THRAP3: variants seen among roughly 807,000 people sequenced by gnomAD.
THRAP3 encodes thyroid hormone receptor-associated protein 3.
A neutral mutation model predicts 101.0 loss-of-function variants in THRAP3; 16 were observed. The observed-to-expected ratio is 0.16, with a 90% CI of 0.11 to 0.24. The LOEUF (loss-of-function observed/expected upper bound fraction) is 0.24. THRAP3 is among the 10% of genes least tolerant of loss of function. The pLI is 1.00. For synonymous variants in THRAP3, 407 were observed against 422.6 expected (o/e 0.96, Z 0.45); for missense variants, 989 against 1,202.7 (o/e 0.82, Z 2.63).
At chr1:36,236,947 C>A (rs1013625879) in intron 1 of THRAP3, among the ~76,000 whole-genome samples, 1 of 152,078 alleles carries the variant, frequency 6.6e-6, no homozygotes, top group Non-Finnish European at 1.5e-5. Flanking sequence ...GAGGCCGAGG[C>A]GGGCAAATCA....
chr1:36,248,445 CTCTT>C (rs1645257954), intron 1 of THRAP3, among the ~76,000 whole-genome samples: 1 of 87,338 alleles, frequency 1.1e-5, no homozygotes, highest in African/African-American at 3.7e-5. Context: ...CAGCCTCAGC[CTCTT>C]TTTTTTTTTT....
upstream of THRAP3, among the ~76,000 whole-genome samples, chr1:36,219,828 A>G (rs951632472): frequency 9.2e-5 from 14 of 152,196 alleles, no homozygotes; most frequent in African/African-American, 3.1e-4. Context: ...GCCTGGCTTC[A>G]AGGCTTCAAA....
chr1:36,249,311 C>T lies in THRAP3; in HGVS notation c.-134-10071C>T, dbSNP rs190590107. On this transcript the variant is annotated intron_variant, in intron 1 of 11. Transcript: ENST00000354618. ...GGTTCATGCCATTCTCCTGCCTTGGCCTCCCGAGTAGCTGGGACCACAGGT... is the reference window on the plus strand; with the variant it reads ...GGTTCATGCCATTCTCCTGCCTTGGTCTCCCGAGTAGCTGGGACCACAGGT... 6.2e-3 allele frequency among the ~76,000 whole-genome samples: 944 copies of T among 151,830 alleles called. 10 individuals carry two copies. The highest frequency in any genetic ancestry group is 0.022 in the African/African-American group (895 of 41,368).
rs778135723 is a variant in THRAP3 at position 36,249,719 on chromosome 1, T to TGTGTGTGTGTGTGG, written c.-134-9662_-134-9661insTGTGTGTGTGTGGG. Among the ~76,000 whole-genome samples the TGTGTGTGTGTGTGG allele has an allele frequency of 1.4e-4, 21 of 149,272 alleles. No homozygotes were observed. The South Asian group carries it at 4.0e-3, about 29-fold the overall frequency. On this transcript the variant is annotated intron_variant, in intron 1 of 11. Coordinates refer to ENST00000354618, the MANE Select transcript of THRAP3 (RefSeq NM_005119.4). ...GTGTGTGTGTGTGTGTGTGTGTGTG[T>TGTGTGTGTGTGTGG]GGTGGAGGTTGAGACAGGAGTGGTG...
intron 2 of THRAP3, among the ~76,000 whole-genome samples, chr1:36,261,164 G>C (rs1022629747): frequency 1.3e-5 from 2 of 151,930 alleles, no homozygotes; most frequent in Non-Finnish European, 2.9e-5. Flanking sequence ...TTGGGAGGCC[G>C]AGGAGGGCAG....
At chr1:36,228,479 C>A (rs1644988165) in intron 1 of THRAP3, among the ~76,000 whole-genome samples, 2 of 152,222 alleles carry the variant, frequency 1.3e-5, no homozygotes, top group African/African-American at 4.8e-5. Flanking sequence ...GTTTTGGCCT[C>A]CCAAAGTGTC....
chr1:36,276,385 G>A (rs544879556), intron 2 of THRAP3, among the ~76,000 whole-genome samples: 171 of 152,000 alleles, frequency 1.1e-3, no homozygotes, highest in Admixed American at 2.5e-3. Flanking sequence ...TTAGCCAGCT[G>A]TGGTGGTGGG....
At chr1:36,288,420 C>T in intron 4 of THRAP3, 5 of 985,378 alleles carry the variant, frequency 5.1e-6, no homozygotes, top group Non-Finnish European at 6.0e-6. Context: ...TGTTCCATGC[C>T]AGGACTGTGA....
chr1:36,278,573 A>G (rs148936830), intron 2 of THRAP3, among the ~76,000 whole-genome samples: 93 of 152,244 alleles, frequency 6.1e-4, no homozygotes, highest in African/African-American at 2.2e-3. Context: ...TTTGAAAACA[A>G]ATTCTTTCTC....
At chr1:36,288,611 G>A in intron 4 of THRAP3, 1 of 985,414 alleles carries the variant, frequency 1.0e-6, no homozygotes, top group Non-Finnish European at 1.2e-6. Context: ...TTTTAGACTT[G>A]TATTTCCAAA....
rs182957641 is a variant in THRAP3 at position 36,238,023 on chromosome 1, A to T, written c.-135+13518A>T. Among the ~76,000 whole-genome samples the T allele has an allele frequency of 3.2e-3, 488 of 151,830 alleles. 4 individuals carry two copies. The highest frequency in any genetic ancestry group is 0.011 in the African/African-American group (469 of 41,394). On this transcript the variant is annotated intron_variant, in intron 1 of 11. Transcript: ENST00000354618. ...TTTTTTTTTCTTTTTTTTAATAGAG[A>T]CGGGTTTCACCGTGTTAGCCAGGAT...
At chr1:36,284,459 ATTTCTGGCTTATCTG>A (rs1419313970) in intron 3 of THRAP3, among the ~76,000 whole-genome samples, 2 of 152,076 alleles carry the variant, frequency 1.3e-5, no homozygotes, top group East Asian at 3.8e-4. Context: ...TTCAGTTTTT[ATTTCTGGCTTATCTG>A]TTTCATGGTT....
At chr1:36,214,002 GAAAGAAAGAAAGAAAGAAAGAAAGAAA>G in the THRAP3 span, among the ~76,000 whole-genome samples, 11 of 32,338 alleles carry the variant, frequency 3.4e-4, no homozygotes, top group African/African-American at 8.4e-4. Context: ...AGAAAGGAAA[GAAAGAAAGAAAGAAAGAAAGAAAGAAA>G]GAAAGAAAGA....
intron 1 of THRAP3, among the ~76,000 whole-genome samples, chr1:36,258,910 T>C (rs1645409533): frequency 6.6e-6 from 1 of 152,238 alleles, no homozygotes; most frequent in African/African-American, 2.4e-5. Flanking sequence ...TGTATGACCA[T>C]GTTCATAGAT....
intron 8 of THRAP3, among the ~76,000 whole-genome samples, chr1:36,295,916 A>G (rs908596574): frequency 1.4e-5 from 2 of 143,506 alleles, no homozygotes; most frequent in African/African-American, 5.2e-5. Context: ...AGCCAGCCCA[A>G]CCACCTACTT....
At chr1:36,303,135 T>G (rs1203061446) in intron 11 of THRAP3, among the ~76,000 whole-genome samples, 6 of 145,794 alleles carry the variant, frequency 4.1e-5, no homozygotes, top group Non-Finnish European at 7.4e-5. Context: ...TTTTTTTTTT[T>G]GTATTTTAGT....
Position 36,282,680 on chromosome 1 carries a change from T to C in THRAP3, c.117T>C (p.Arg39=). ...KSRSRSRSLS[R]SRKRRLSSRS... Reference sequence around the variant, plus strand: ...GGTCCCGAAGCCGATCTCTCTCTCGTTCAAGGAAGCGCAGGCTGAGGTAAG... The same window carrying C: ...GGTCCCGAAGCCGATCTCTCTCTCGCTCAAGGAAGCGCAGGCTGAGGTAAG... The change falls in exon 3 of 12, where the codon CGT becomes CGC. Residue 39 remains arginine (R), a synonymous_variant. Transcript: ENST00000354618. The C allele has an allele frequency of 6.2e-7, 1 of 1,614,172 alleles. No homozygotes were observed.
At chr1:36,260,067 C>G (rs1442855090) in intron 2 of THRAP3, among the ~76,000 whole-genome samples, 12 of 151,928 alleles carry the variant, frequency 7.9e-5, no homozygotes, top group Admixed American at 7.9e-4. Context: ...CATAGTGAAA[C>G]CCCGTCTCTA....
chr1:36,256,083 C>T lies in THRAP3; in HGVS notation c.-134-3299C>T, dbSNP rs563537366. On this transcript the variant is annotated intron_variant, in intron 1 of 11. Transcript: ENST00000354618. ...CTAGGCTGGAGTGCAGTAGTGTGAA[C>T]ATGGCTCATTGCAGCCTCTGTCTCT... is the stretch of plus-strand genomic sequence containing the variant. 3.3e-5 allele frequency among the ~76,000 whole-genome samples: 5 copies of T among 152,042 alleles called. No individual in the cohort carries two copies. The East Asian group carries it at 5.8e-4, about 18-fold the overall frequency.
Sources: gnomAD v4.1 joint callset for allele counts (sites outside exome capture counted in the v4.1 genomes callset) on GRCh38, gnomAD v4.1.1 for gene constraint, MANE v1.5 for transcripts, NCBI Gene and HGNC (gene_info 2026-07-23, HGNC 2026-07-21) for gene names.